ZEB2: variants seen among roughly 807,000 people sequenced by gnomAD.
ZEB2 encodes the protein zinc finger E-box binding homeobox 2.
In ZEB2, 6 loss-of-function variants were observed where a neutral mutation model predicts 99.9. That is an observed-to-expected ratio of 0.06 (90% CI 0.03 to 0.12). The LOEUF (loss-of-function observed/expected upper bound fraction) is 0.12. ZEB2 is among the 10% of genes least tolerant of loss of function. ZEB2 has a pLI of 1.00. For missense variants in ZEB2, 969 were observed against 1,502.8 expected, an observed-to-expected ratio of 0.64 and a Z score of 5.87; for synonymous variants, 517 against 542.5, an observed-to-expected ratio of 0.95 and a Z score of 0.65.
At chr2:144,453,658 T>C (rs1014555252) in intron 2 of ZEB2, among the ~76,000 whole-genome samples, 3 of 152,200 alleles carry the variant, frequency 2.0e-5, no homozygotes, top group Non-Finnish European at 4.4e-5. Flanking sequence ...GATGTCTGTG[T>C]GATTAATACT....
At chr2:144,396,368 A>G in intron 9 of ZEB2, 44 bp downstream of exon 9, 2 of 1,605,164 alleles carry the variant, frequency 1.2e-6, no homozygotes, top group Non-Finnish European at 8.5e-7. Context: ...TGAAATGTAC[A>G]GCAGGACGGG....
chr2:144,453,158 T>A (rs973953029), intron 2 of ZEB2, among the ~76,000 whole-genome samples: 12 of 152,256 alleles, frequency 7.9e-5, no homozygotes, highest in Non-Finnish European at 1.5e-4. Flanking sequence ...CAGTTCGTGC[T>A]ATATTTAATA....
In ZEB2 at chr2:144,395,909, T is replaced by C. The variant is rs562569126; in HGVS notation, c.3067+503A>G. ...TAGCTCATCTGATCTATTACTTTTC[T>C]TTTATGACACTAATGCCTTTAGTTC... On this transcript the variant is annotated intron_variant, in intron 9 of 9. Coordinates refer to ENST00000627532, the MANE Select transcript of ZEB2 (RefSeq NM_014795.4). 2.0e-5 allele frequency among the ~76,000 whole-genome samples: 3 copies of C among 152,248 alleles called. No homozygotes were observed. The East Asian group carries it at 5.8e-4, about 29-fold the overall frequency.
At position 144,386,414 on chromosome 2, in the gene ZEB2, C is replaced by T. The variant is rs1703084424; in HGVS notation, c.*3037G>A. 1 of 152,068 alleles carries T rather than the reference C, an allele frequency of 6.6e-6. No homozygotes were observed. The highest frequency in any genetic ancestry group is 1.5e-5 in the Non-Finnish European group (1 of 68,000). The allele number at this position is 152,068 out of a possible 1,614,324, so 9.4% of individuals were successfully genotyped here. Reference sequence around the variant, plus strand: ...TAAAAAAAACTCCTCAGATATGGGACATTGTAGTGATTGTCACAATTCACA... The same window carrying T: ...TAAAAAAAACTCCTCAGATATGGGATATTGTAGTGATTGTCACAATTCACA... On this transcript the variant is annotated 3_prime_UTR_variant, in exon 10 of 10. Coordinates refer to ENST00000627532, the MANE Select transcript of ZEB2 (RefSeq NM_014795.4).
chr2:144,404,603 A>C (rs1169801401), intron 5 of ZEB2, among the ~76,000 whole-genome samples: 1 of 152,254 alleles, frequency 6.6e-6, no homozygotes, highest in Admixed American at 6.5e-5. Flanking sequence ...TTTATCTCTT[A>C]GAAATGGGCT....
intron 2 of ZEB2, among the ~76,000 whole-genome samples, chr2:144,444,240 G>C (rs1703954952): frequency 6.6e-6 from 1 of 152,186 alleles, no homozygotes; most frequent in Admixed American, 6.5e-5. Context: ...AGCTGAAGCA[G>C]CTACGTATGC....
intron 2 of ZEB2, among the ~76,000 whole-genome samples, chr2:144,446,611 C>G (rs1468335759): frequency 6.6e-6 from 1 of 152,236 alleles, no homozygotes; most frequent in East Asian, 1.9e-4. Flanking sequence ...TATGGGTATT[C>G]GTAGATCCCA....
At chr2:144,474,732 C>T (rs1704407681) in intron 2 of ZEB2, among the ~76,000 whole-genome samples, 2 of 152,226 alleles carry the variant, frequency 1.3e-5, no homozygotes, top group South Asian at 4.2e-4. Flanking sequence ...AGATCATCAC[C>T]ATCCATAACC....
At chr2:144,479,430 G>A (rs1177472875) in intron 2 of ZEB2, among the ~76,000 whole-genome samples, 1 of 152,178 alleles carries the variant, frequency 6.6e-6, no homozygotes, top group Non-Finnish European at 1.5e-5. Context: ...CTGGAATGCA[G>A]GGAGAAAAGG....
rs541312850 is a variant in ZEB2, at chr2:144,415,063, A to AT, written c.403+9732dup. On this transcript the variant is annotated intron_variant, in intron 4 of 9. Transcript: ENST00000627532. ...TCCTAGACACTTGTTTTATTCTTAC[A>AT]TTTTTTTTTTTAACTGGGTAATCCA... 4.3e-3 allele frequency among the ~76,000 whole-genome samples: 584 copies of AT among 134,790 alleles called. 3 individuals are homozygous for AT. Among genetic ancestry groups the AT allele is most frequent in the East Asian group, 0.013 (60 of 4,738 alleles). 88.4% of individuals were successfully genotyped at this position (134,790 alleles called of 152,430 possible). A position where few individuals can be genotyped will look rare whatever the true frequency, so the allele number is the denominator to read the frequency against.
At chr2:144,392,945 A>G (rs1157659778) in intron 9 of ZEB2, among the ~76,000 whole-genome samples, 1 of 152,226 alleles carries the variant, frequency 6.6e-6, no homozygotes, top group East Asian at 1.9e-4. Context: ...CTGAGAAACA[A>G]GATTGACTGG....
chr2:144,513,010 G>T (rs1402127950), intron 2 of ZEB2: 2 of 1,287,100 alleles, frequency 1.6e-6, no homozygotes, highest in Admixed American at 4.6e-5. Context: ...ACCAAGTCTG[G>T]ACTGACAGTG....
intron 2 of ZEB2, chr2:144,461,040 G>C (rs1161107543): frequency 6.6e-6 from 1 of 151,854 alleles, no homozygotes; most frequent in Non-Finnish European, 1.5e-5. Context: ...TTCATAGCGG[G>C]AGTGGACAGG....
At chr2:144,470,747 C>G (rs1430085169) in intron 2 of ZEB2, among the ~76,000 whole-genome samples, 1 of 152,058 alleles carries the variant, frequency 6.6e-6, no homozygotes, top group African/African-American at 2.4e-5. Flanking sequence ...TTTCCTAGAG[C>G]CTGGGTTGTG....
rs951548954 is a variant in ZEB2 at position 144,520,071 on chromosome 2, A to G, written c.-202T>C. 6.6e-6 allele frequency: 3 copies of G among 454,436 alleles called. No homozygotes were observed. The highest frequency in any genetic ancestry group is 6.0e-5 in the African/African-American group (3 of 50,010). The allele number at this position is 454,436 out of a possible 1,614,324, so 28.2% of individuals were successfully genotyped here. On this transcript the variant is annotated 5_prime_UTR_variant, in exon 1 of 10. Coordinates refer to ENST00000627532, the MANE Select transcript of ZEB2 (RefSeq NM_014795.4). ...GAGCAAACTGTACAAAAACCTCGCC[A>G]AGAGTGTCGGGAGGCAGGACCGTTA...
intron 2 of ZEB2, among the ~76,000 whole-genome samples, chr2:144,484,752 G>A (rs960323665): frequency 2.0e-5 from 3 of 151,908 alleles, no homozygotes; most frequent in African/African-American, 7.3e-5. Flanking sequence ...AGTGGAATGC[G>A]ACTGAAGTGG....
At chr2:144,493,948 C>G (rs568767016) in intron 2 of ZEB2, among the ~76,000 whole-genome samples, 1 of 151,934 alleles carries the variant, frequency 6.6e-6, no homozygotes, top group African/African-American at 2.4e-5. Context: ...GTCAGGAGAT[C>G]GAGACCGTCC....
chr2:144,492,560 T>G (rs1704695423), intron 2 of ZEB2, among the ~76,000 whole-genome samples: 1 of 152,120 alleles, frequency 6.6e-6, no homozygotes, highest in South Asian at 2.1e-4. Context: ...TGTATGAAAG[T>G]AGAAACCAAA....
intron 2 of ZEB2, among the ~76,000 whole-genome samples, chr2:144,470,153 C>T (rs1278278867): frequency 6.6e-6 from 1 of 152,184 alleles, no homozygotes; most frequent in Non-Finnish European, 1.5e-5. Flanking sequence ...CATATATTAT[C>T]TCTGAAAGAT....
Sources: allele counts gnomAD v4.1 joint callset (sites outside exome capture counted in the v4.1 genomes callset), GRCh38; gene constraint gnomAD v4.1.1; transcripts MANE v1.5; gene names NCBI Gene and HGNC (gene_info 2026-07-23, HGNC 2026-07-21).